Variants in GABRB1 observed in about 807,000 individuals in gnomAD.
GABRB1 encodes the protein gamma-aminobutyric acid type A receptor subunit beta1.
Under a neutral mutation model 51.6 loss-of-function variants are expected in GABRB1, and 17 were observed. The observed-to-expected ratio is 0.33, with a 90% CI of 0.23 to 0.49. The LOEUF (loss-of-function observed/expected upper bound fraction) is 0.49. GABRB1 is among the 20% of genes least tolerant of loss of function. GABRB1 has a pLI of 0.99. For missense variants in GABRB1, 410 were observed against 600.6 expected, an observed-to-expected ratio of 0.68 and a Z score of 3.32; for synonymous variants, 247 against 218.9, an observed-to-expected ratio of 1.13 and a Z score of -1.14.
intron 4 of GABRB1, among the ~76,000 whole-genome samples, chr4:47,235,013 A>G (rs957385039): frequency 2.0e-5 from 3 of 152,148 alleles, no homozygotes; most frequent in Admixed American, 1.3e-4. Flanking sequence ...TATCCTTTGT[A>G]TTCAATCAGT....
chr4:47,310,070 A>C (rs1214927660), intron 4 of GABRB1, among the ~76,000 whole-genome samples: 2 of 152,140 alleles, frequency 1.3e-5, no homozygotes, highest in African/African-American at 2.4e-5. Context: ...GTTGAGGCAC[A>C]TTTTGTCCAA....
At position 47,155,916 on chromosome 4, in the gene GABRB1, C is replaced by CATATATATATATATATATATATATAT. The variant is rs10525795; in HGVS notation, c.241-5328_241-5303dup. Among the ~76,000 whole-genome samples the CATATATATATATATATATATATATAT allele has an allele frequency of 1.3e-3, 94 of 73,576 alleles. 5 individuals are homozygous for CATATATATATATATATATATATATAT. Among genetic ancestry groups the CATATATATATATATATATATATATAT allele is most frequent in the South Asian group, 4.6e-3 (7 of 1,510 alleles). The allele number at this position is 73,576 out of a possible 152,430, so 48.3% of individuals were successfully genotyped here. ...TACTCATACTAAAAAGAGGTATTTT[C>CATATATATATATATATATATATATAT]ATATATATATATATATATATATATA... On this transcript the variant is annotated intron_variant, in intron 3 of 8. Transcript: ENST00000295454.
intron 3 of GABRB1, among the ~76,000 whole-genome samples, chr4:47,101,946 G>A (rs539723243): frequency 2.1e-4 from 32 of 152,078 alleles, no homozygotes; most frequent in African/African-American, 7.7e-4. Flanking sequence ...CCTCCTTCAT[G>A]TCTGAAGTAT....
chr4:46,995,103 T>C (rs1424201289), intron 1 of GABRB1, among the ~76,000 whole-genome samples: 1 of 152,236 alleles, frequency 6.6e-6, no homozygotes, highest in Non-Finnish European at 1.5e-5. Flanking sequence ...CTGGGCTAGG[T>C]AATTTTTGCT....
At chr4:47,048,251 G>A (rs528878275) in intron 3 of GABRB1, among the ~76,000 whole-genome samples, 23 of 152,186 alleles carry the variant, frequency 1.5e-4, no homozygotes, top group South Asian at 4.1e-4. Context: ...CCCTGGGCTA[G>A]GCCATTATGA....
chr4:47,239,243 C>A (rs1258800703), intron 4 of GABRB1, among the ~76,000 whole-genome samples: 1 of 152,190 alleles, frequency 6.6e-6, no homozygotes, highest in African/African-American at 2.4e-5. Context: ...CCAGACAATG[C>A]TTTACCCCAA....
At chr4:47,251,954 G>T (rs548021289) in intron 4 of GABRB1, among the ~76,000 whole-genome samples, 1 of 152,308 alleles carries the variant, frequency 6.6e-6, no homozygotes, top group Admixed American at 6.5e-5. Context: ...TTCTTCCCCT[G>T]CCTGTGGAGT....
At chr4:47,191,456 C>T (rs1022991717) in intron 4 of GABRB1, among the ~76,000 whole-genome samples, 5 of 152,146 alleles carry the variant, frequency 3.3e-5, no homozygotes, top group African/African-American at 1.2e-4. Flanking sequence ...CTACCTTATT[C>T]ACCAATTTCA....
intron 4 of GABRB1, among the ~76,000 whole-genome samples, chr4:47,286,564 G>A (rs1723516717): frequency 6.7e-6 from 1 of 148,776 alleles, no homozygotes; most frequent in Non-Finnish European, 1.5e-5. Context: ...ATGTGTGTAT[G>A]TTGTATTCAA....
intron 1 of GABRB1, among the ~76,000 whole-genome samples, chr4:47,001,372 G>C (rs577789248): frequency 5.3e-5 from 8 of 152,254 alleles, no homozygotes; most frequent in South Asian, 2.1e-4. Context: ...TGAATCTCCT[G>C]ACCTCGTGAT....
intron 3 of GABRB1, among the ~76,000 whole-genome samples, chr4:47,077,671 C>T (rs979095462): frequency 6.6e-6 from 1 of 151,428 alleles, no homozygotes; most frequent in African/African-American, 2.4e-5. Context: ...ATATCACACC[C>T]TTCTAAATAA....
At chr4:47,302,382 CCTT>C (rs990569154) in intron 4 of GABRB1, among the ~76,000 whole-genome samples, 6 of 151,786 alleles carry the variant, frequency 4.0e-5, no homozygotes, top group African/African-American at 7.3e-5. Context: ...ATTAGAAAAA[CCTT>C]CTATTTTCAT....
intron 5 of GABRB1, among the ~76,000 whole-genome samples, chr4:47,392,413 G>T (rs1425128385): frequency 1.3e-5 from 2 of 149,592 alleles, no homozygotes; most frequent in African/African-American, 5.0e-5. Flanking sequence ...CACAATCTCG[G>T]CTCACTGCAA....
At chr4:47,032,127 GGCAC>G (rs1251648888) in intron 2 of GABRB1, 122 bp downstream of exon 2, 88 of 579,924 alleles carry the variant, frequency 1.5e-4, no homozygotes, top group Non-Finnish European at 2.0e-4. Flanking sequence ...CTATACCCTG[GGCAC>G]ACACACACAC....
intron 4 of GABRB1, among the ~76,000 whole-genome samples, chr4:47,298,356 A>C (rs1724098113): frequency 1.3e-5 from 2 of 152,204 alleles, no homozygotes; most frequent in South Asian, 4.1e-4. Context: ...CTCAGCCCAA[A>C]ATCTCCTTAA....
chr4:47,076,189 G>T (rs546553017), intron 3 of GABRB1, among the ~76,000 whole-genome samples: 1 of 152,278 alleles, frequency 6.6e-6, no homozygotes, highest in South Asian at 2.1e-4. Context: ...CTGACCACCT[G>T]CTAGGCCTGG....
chr4:47,188,819 T>C (rs1470357697), intron 4 of GABRB1, among the ~76,000 whole-genome samples: 1 of 152,002 alleles, frequency 6.6e-6, no homozygotes, highest in Admixed American at 6.6e-5. Flanking sequence ...TGTGACTTCC[T>C]GGCTTATGTA....
chr4:47,035,029 A>T (rs1361124602), intron 3 of GABRB1, among the ~76,000 whole-genome samples: 1 of 152,188 alleles, frequency 6.6e-6, no homozygotes, highest in Non-Finnish European at 1.5e-5. Flanking sequence ...AATAGTTTTT[A>T]AGAAAATGCA....
chr4:47,275,388 C>T (rs1025509333), intron 4 of GABRB1, among the ~76,000 whole-genome samples: 1 of 152,054 alleles, frequency 6.6e-6, no homozygotes. Flanking sequence ...AAAAGCCCTG[C>T]GTTCCTGTCC....
Sources: gnomAD v4.1 joint callset for allele counts (sites outside exome capture counted in the v4.1 genomes callset) on GRCh38, gnomAD v4.1.1 for gene constraint, MANE v1.5 for transcripts, NCBI Gene and HGNC (gene_info 2026-07-23, HGNC 2026-07-21) for gene names.